LRIT3: variants seen among roughly 807,000 people sequenced by gnomAD.
The protein encoded by LRIT3 is leucine-rich repeat, immunoglobulin-like domain and transmembrane domain-containing protein 3.
In LRIT3, 14 loss-of-function variants were observed where a neutral mutation model predicts 22.6. That is an observed-to-expected ratio of 0.62 (90% CI 0.41 to 0.97). The LOEUF (loss-of-function observed/expected upper bound fraction) is 0.97, where lower values mean the gene tolerates loss of function less well. Ranked by LOEUF, LRIT3 falls within the 50% of genes least tolerant of loss-of-function variation. LRIT3 has a pLI of 0.00. For synonymous variants in LRIT3, 306 were observed against 304.5 expected (o/e 1.01, Z -0.05); for missense variants, 783 against 803.0 (o/e 0.98, Z 0.30).
chr4:109,863,675 A>C (rs2125900036), intron 2 of LRIT3, among the ~76,000 whole-genome samples: 1 of 152,342 alleles, frequency 6.6e-6, no homozygotes, highest in East Asian at 1.9e-4. Flanking sequence ...GTCTCCCTTC[A>C]GTGCTGTGAG....
intron 2 of LRIT3, chr4:109,865,080 G>C (rs1465302897): frequency 2.1e-6 from 3 of 1,410,354 alleles, no homozygotes. Context: ...TTCCATCTTT[G>C]GTTTCTTTTA....
At chr4:109,853,299 A>G (rs1734317748) in intron 2 of LRIT3, among the ~76,000 whole-genome samples, 1 of 152,172 alleles carries the variant, frequency 6.6e-6, no homozygotes, top group Non-Finnish European at 1.5e-5. Context: ...ATTACATCTC[A>G]TTGTGGTTTT....
chr4:109,858,731 G>A (rs953315022), intron 2 of LRIT3, among the ~76,000 whole-genome samples: 104 of 152,136 alleles, frequency 6.8e-4, no homozygotes, highest in African/African-American at 2.1e-3. Flanking sequence ...GTATGTGAGG[G>A]GTAGACTCCT....
Position 109,867,940 on chromosome 4 carries a change from T to TAAGACCTGTATTAAGAA in LRIT3, c.890_891insAGACCTGTATTAAGAAA (p.Tyr297Ter). 1.2e-6 allele frequency: 2 copies of TAAGACCTGTATTAAGAA among 1,607,746 alleles called. No homozygotes were observed. The highest frequency in any genetic ancestry group is 2.7e-5 in the African/African-American group (2 of 74,804). On this transcript the variant is annotated stop_gained and frameshift_variant, in exon 3 of 4. Transcript: ENST00000594814. LOFTEE classifies it low-confidence loss of function (END_TRUNC). ...CAGATCTGACAGCTCGCCAGTTAAT[T>TAAGACCTGTATTAAGAA]ATACAGGTATTTTCTTAATTCAGCC...
chr4:109,868,425 G>C (rs979977889), intron 3 of LRIT3, among the ~76,000 whole-genome samples: 1 of 152,022 alleles, frequency 6.6e-6, no homozygotes, highest in South Asian at 2.1e-4. Context: ...ACAAAAATCA[G>C]CTGGGCTTGG....
chr4:109,848,712 T>C (rs923619791), intron 1 of LRIT3, among the ~76,000 whole-genome samples: 14 of 152,208 alleles, frequency 9.2e-5, no homozygotes, highest in Non-Finnish European at 1.9e-4. Context: ...TTTGCTTTCA[T>C]GGCTCTCCAC....
At chr4:109,852,861 A>G (rs554034435) in intron 2 of LRIT3, among the ~76,000 whole-genome samples, 13 of 152,118 alleles carry the variant, frequency 8.5e-5, no homozygotes, top group African/African-American at 3.1e-4. Context: ...TTTCTGTGTT[A>G]GTTTGCTGAG....
At chr4:109,862,201 A>G (rs1177241421) in intron 2 of LRIT3, among the ~76,000 whole-genome samples, 2 of 152,242 alleles carry the variant, frequency 1.3e-5, no homozygotes, top group Admixed American at 6.5e-5. Context: ...TAGCGCATTT[A>G]GTCCAACTAT....
At chr4:109,849,220 C>T (rs1734149982) in intron 1 of LRIT3, among the ~76,000 whole-genome samples, 1 of 152,100 alleles carries the variant, frequency 6.6e-6, no homozygotes, top group African/African-American at 2.4e-5. Flanking sequence ...CTTTAGTTAA[C>T]CAATTCTTGG....
chr4:109,862,020 C>T (rs979769036), intron 2 of LRIT3, among the ~76,000 whole-genome samples: 4 of 152,182 alleles, frequency 2.6e-5, no homozygotes, highest in Non-Finnish European at 4.4e-5. Context: ...CTTGCAAACA[C>T]GTGTCCACTT....
intron 2 of LRIT3, among the ~76,000 whole-genome samples, chr4:109,862,147 A>G (rs1560593198): frequency 6.6e-6 from 1 of 152,238 alleles, no homozygotes; most frequent in Admixed American, 6.5e-5. Flanking sequence ...AGTCCTCAGA[A>G]TAACTTTTGT....
intron 2 of LRIT3, among the ~76,000 whole-genome samples, chr4:109,862,342 G>A (rs1423011484): frequency 1.3e-5 from 2 of 152,152 alleles, no homozygotes; most frequent in Non-Finnish European, 2.9e-5. Flanking sequence ...TTGAAGGAAT[G>A]CAGTGCAAGT....
chr4:109,851,443 A>AT lies in LRIT3; in HGVS notation c.117-54dup, dbSNP rs773901035. 97 of 1,461,790 alleles carry AT rather than the reference A, an allele frequency of 6.6e-5. 1 individual carries two copies. In the Middle Eastern group the frequency reaches 1.0e-3, roughly 15 times the overall value. 90.6% of individuals were successfully genotyped at this position (1,461,790 alleles called of 1,614,324 possible). On this transcript the variant is annotated intron_variant, in intron 1 of 3. Coordinates refer to ENST00000594814, the MANE Select transcript of LRIT3 (RefSeq NM_198506.5). ...TTGATACATTTTTCAAATGAGAAGT[A>AT]TTTTTTTCAAATGGGTGTTGGAAAG...
At position 109,870,216 on chromosome 4, in the gene LRIT3, C is replaced by T. The variant is rs369821286; in HGVS notation, c.1467C>T (p.Asn489=). 9.4e-5 allele frequency: 152 copies of T among 1,614,072 alleles called. No homozygotes were observed. The highest frequency in any genetic ancestry group is 1.2e-4 in the Non-Finnish European group (139 of 1,180,038). The change falls in exon 4 of 4, where the codon AAC becomes AAT. Residue 489 remains asparagine (N), a synonymous_variant. Coordinates refer to ENST00000594814, the MANE Select transcript of LRIT3 (RefSeq NM_198506.5). ...MLTETNAAIE[N]LRVVSETKES... is the part of the protein sequence containing the mutation. ...CGGAGACAAATGCCGCAATAGAAAA[C>T]CTCAGGGTGGTCAGTGAGACTAAAG...
chr4:109,868,363 G>A (rs763570406), intron 3 of LRIT3, among the ~76,000 whole-genome samples: 1 of 152,094 alleles, frequency 6.6e-6, no homozygotes, highest in Non-Finnish European at 1.5e-5. Context: ...CTGAGGTCAG[G>A]AGTTTGAGAC....
In LRIT3 at chr4:109,870,558, G is replaced by T; in HGVS notation, c.1809G>T (p.Leu603Phe). 1 of 1,614,074 alleles carries T rather than the reference G, an allele frequency of 6.2e-7. No individual in the cohort carries two copies. The highest frequency in any genetic ancestry group is 1.1e-5 in the South Asian group (1 of 91,068). Residue 603 changes from leucine to phenylalanine, a missense_variant, in exon 4 of 4, where the codon TTG becomes TTT. Leu to Phe is a conservative substitution (Grantham distance 22). Around this residue, in one of 2 missense-constraint regions of LRIT3, gnomAD observed 756 missense variants for 753.8 expected, o/e 1.00. Transcript: ENST00000594814. ...TCTTACCATTGATTTGTTTCTTGTT[G>T]TACAAAGTTTGCAAACTGCAATGTA... ...VVILPLICFLLYKVCKLQCKS... is the reference protein window; with the variant it reads ...VVILPLICFLFYKVCKLQCKS...
chr4:109,867,556 G>T, intron 2 of LRIT3, 85 bp from the exon 3 acceptor site: 2 of 1,259,852 alleles, frequency 1.6e-6, no homozygotes, highest in Middle Eastern at 3.9e-4. Context: ...GGGAGACAGT[G>T]TAGATCCCTA....
chr4:109,860,147 T>A (rs541434964), intron 2 of LRIT3, among the ~76,000 whole-genome samples: 1 of 152,222 alleles, frequency 6.6e-6, no homozygotes, highest in Non-Finnish European at 1.5e-5. Flanking sequence ...CACAGGCATA[T>A]TCTGTAAGTC....
At chr4:109,856,537 G>A (rs942023713) in intron 2 of LRIT3, among the ~76,000 whole-genome samples, 1 of 152,154 alleles carries the variant, frequency 6.6e-6, no homozygotes, top group Non-Finnish European at 1.5e-5. Flanking sequence ...TGCTTGAGAG[G>A]CCTCAAAAAT....
Sources: gnomAD v4.1 joint callset for allele counts (sites outside exome capture counted in the v4.1 genomes callset) on GRCh38, gnomAD v4.1.1 for gene constraint, gnomAD v4.1.1 regional missense constraint, MANE v1.5 for transcripts, NCBI Gene and HGNC (gene_info 2026-07-23, HGNC 2026-07-21) for gene names.